DLC1: variants seen among roughly 807,000 people sequenced by gnomAD.
The protein encoded by DLC1 is DLC1 Rho GTPase activating protein.
Under a neutral mutation model 140.3 loss-of-function variants are expected in DLC1, and 54 were observed. The ratio of observed to expected loss-of-function variants is 0.38; its 90% CI spans 0.31 to 0.48. DLC1 has a LOEUF of 0.48. DLC1 is among the 20% of genes least tolerant of loss of function. The pLI, the probability that DLC1 is intolerant of heterozygous loss-of-function variation, is 0.96. For missense variants in DLC1, 2,536 were observed against 1,907.0 expected (o/e 1.33, Z -6.14); for synonymous variants, 986 against 728.1 (o/e 1.35, Z -5.70).
chr8:13,235,235 C>T (rs769233438), intron 5 of DLC1, among the ~76,000 whole-genome samples: 25 of 152,040 alleles, frequency 1.6e-4, no homozygotes, highest in Non-Finnish European at 1.5e-4. Flanking sequence ...AAATGAACTA[C>T]CTAGTGTCAT....
chr8:13,096,290 T>C (rs1001685075), intron 10 of DLC1, among the ~76,000 whole-genome samples: 1 of 152,120 alleles, frequency 6.6e-6, no homozygotes, highest in Middle Eastern at 3.2e-3. Context: ...GGTGGGCCAC[T>C]CCGAAATGAG....
In DLC1 at chr8:13,499,966, C is replaced by G. The variant is rs1325408476; in HGVS notation, c.106G>C (p.Val36Leu). ...DRNTACHHGLVADSLQASMEK... is the reference protein window; with the variant it reads ...DRNTACHHGLLADSLQASMEK... ...ATACTTGCCTGCAAGCTGTCAGCTA[C>G]TAGTCCATGATGACATGCTGTGTTA... The change falls in exon 2 of 18, where the codon GTA becomes CTA. Residue 36 changes from valine (V) to leucine (L), a missense_variant. Physicochemically the swap from Val to Leu is conservative, Grantham distance 32. Transcript: ENST00000276297. The G allele has an allele frequency of 4.3e-6, 7 of 1,613,988 alleles. No homozygotes were observed. Among genetic ancestry groups the G allele is most frequent in the Non-Finnish European group, 1.7e-6 (2 of 1,179,998 alleles).
intron 5 of DLC1, among the ~76,000 whole-genome samples, chr8:13,183,430 C>T (rs1441922109): frequency 2.6e-5 from 4 of 152,192 alleles, no homozygotes; most frequent in African/African-American, 4.8e-5. Flanking sequence ...TTTGCCCTTT[C>T]AGTATGATAT....
intron 5 of DLC1, among the ~76,000 whole-genome samples, chr8:13,140,384 C>T (rs1438193316): frequency 6.6e-6 from 1 of 151,950 alleles, no homozygotes; most frequent in Non-Finnish European, 1.5e-5. Context: ...AAATGGGCAT[C>T]ATCATGCCTG....
intron 4 of DLC1, among the ~76,000 whole-genome samples, chr8:13,328,145 G>T (rs543520819): frequency 1.3e-5 from 2 of 152,266 alleles, no homozygotes; most frequent in African/African-American, 4.8e-5. Context: ...TAAGCACTGA[G>T]CACCTATACG....
At position 13,181,505 on chromosome 8, in the gene DLC1, G is replaced by A. The variant is rs1274076921; in HGVS notation, c.1349-65848C>T. Among the ~76,000 whole-genome samples, 7 of 100,618 alleles carry A rather than the reference G, an allele frequency of 7.0e-5. No homozygotes were observed. In the East Asian group the frequency reaches 9.9e-4, roughly 14 times the overall value. The allele number at this position is 100,618 out of a possible 152,430, so 66.0% of individuals were successfully genotyped here. ...TCCCCCAGCCCCCCACCCCATGTCC[G>A]GTCCCGGTGTGTGATGTTTCCCACC... On this transcript the variant is annotated intron_variant, in intron 5 of 17. Coordinates refer to ENST00000276297, the MANE Select transcript of DLC1 (RefSeq NM_182643.3).
intron 4 of DLC1, among the ~76,000 whole-genome samples, chr8:13,312,339 C>T (rs113348323): frequency 6.2e-5 from 5 of 80,352 alleles, no homozygotes; most frequent in Non-Finnish European, 4.5e-5. Flanking sequence ...CCAGCCTGGG[C>T]GACAGAGCGA....
intron 2 of DLC1, among the ~76,000 whole-genome samples, chr8:13,451,376 C>T (rs983022280): frequency 2.6e-5 from 4 of 152,012 alleles, no homozygotes; most frequent in Admixed American, 1.3e-4. Context: ...ATAGACAATC[C>T]AATTACACTC....
At chr8:13,139,288 C>CAAA (rs67684524) in intron 5 of DLC1, among the ~76,000 whole-genome samples, 151 of 49,258 alleles carry the variant, frequency 3.1e-3, no homozygotes, top group African/African-American at 6.7e-3. Context: ...GACCCTGTCT[C>CAAA]AAAAAAAAAA....
At chr8:13,445,482 A>G (rs1356755714) in intron 2 of DLC1, among the ~76,000 whole-genome samples, 2 of 152,216 alleles carry the variant, frequency 1.3e-5, no homozygotes, top group African/African-American at 4.8e-5. Context: ...AGTGTCCAAC[A>G]TTCTACCCTC....
chr8:13,229,033 CA>C (rs989920712), intron 5 of DLC1, among the ~76,000 whole-genome samples: 7 of 152,160 alleles, frequency 4.6e-5, no homozygotes, highest in African/African-American at 1.4e-4. Context: ...GGCAGCTCTT[CA>C]AAAGTTAGTA....
chr8:13,425,784 T>G (rs1485109107), intron 2 of DLC1, among the ~76,000 whole-genome samples: 1 of 152,200 alleles, frequency 6.6e-6, no homozygotes, highest in African/African-American at 2.4e-5. Flanking sequence ...TGTAAAATTT[T>G]TATTTTTGGG....
intron 2 of DLC1, among the ~76,000 whole-genome samples, chr8:13,477,366 G>A (rs1315167939): frequency 6.6e-6 from 1 of 152,170 alleles, no homozygotes; most frequent in Admixed American, 6.5e-5. Flanking sequence ...AATCAGGTAT[G>A]TACAGCCACT....
intron 5 of DLC1, among the ~76,000 whole-genome samples, chr8:13,299,801 G>A (rs1031093340): frequency 5.3e-5 from 8 of 152,174 alleles, no homozygotes; most frequent in Non-Finnish European, 1.2e-4. Flanking sequence ...TCACAATTTG[G>A]AAGCTTAGTG....
intron 5 of DLC1, among the ~76,000 whole-genome samples, chr8:13,152,812 G>T (rs113944730): frequency 8.1e-5 from 9 of 111,588 alleles, no homozygotes; most frequent in African/African-American, 3.4e-4. Flanking sequence ...CTGAGACCCT[G>T]TCTCTGGGGA....
intron 5 of DLC1, among the ~76,000 whole-genome samples, chr8:13,152,585 T>A (rs753078869): frequency 6.6e-6 from 1 of 152,112 alleles, no homozygotes; most frequent in Non-Finnish European, 1.5e-5. Context: ...GTATTTTCTT[T>A]ATGCTTAACA....
At chr8:13,359,341 G>A (rs1346949128) in intron 4 of DLC1, among the ~76,000 whole-genome samples, 1 of 152,092 alleles carries the variant, frequency 6.6e-6, no homozygotes, top group Non-Finnish European at 1.5e-5. Flanking sequence ...CATCAATTTG[G>A]CTTTGTTGGG....
chr8:13,204,968 G>A (rs537159934), intron 5 of DLC1, among the ~76,000 whole-genome samples: 1 of 152,030 alleles, frequency 6.6e-6, no homozygotes, highest in Admixed American at 6.6e-5. Context: ...ACACTAATTG[G>A]CTTGCTTCTT....
intron 1 of DLC1, among the ~76,000 whole-genome samples, chr8:13,561,321 C>T (rs961788875): frequency 6.6e-6 from 1 of 152,010 alleles, no homozygotes; most frequent in Non-Finnish European, 1.5e-5. Flanking sequence ...GGTGCAACTG[C>T]AGCCACACCT....
Sources: gnomAD v4.1 joint callset for allele counts (sites outside exome capture counted in the v4.1 genomes callset) on GRCh38, gnomAD v4.1.1 for gene constraint, MANE v1.5 for transcripts, NCBI Gene and HGNC (gene_info 2026-07-23, HGNC 2026-07-21) for gene names.